CPQ: variants seen among roughly 807,000 people sequenced by gnomAD.
CPQ encodes the protein Ser-Met dipeptidase.
In CPQ, 37 loss-of-function variants were observed where a neutral mutation model predicts 45.7. The observed-to-expected ratio is 0.81, with a 90% confidence interval of 0.62 to 1.07. The LOEUF (loss-of-function observed/expected upper bound fraction) is 1.07. Among genes scored for constraint, CPQ ranks in the 50% least tolerant of loss-of-function variants. The probability of loss-of-function intolerance (pLI) is 0.00; values close to 1 mark genes in which losing one functional copy is unlikely to be tolerated. For synonymous variants in CPQ, 186 were observed against 205.8 expected (o/e 0.90, Z 0.82); for missense variants, 537 against 572.9 (o/e 0.94, Z 0.64).
At chr8:97,018,776 A>C (rs1240916886) in intron 5 of CPQ, among the ~76,000 whole-genome samples, 1 of 152,218 alleles carries the variant, frequency 6.6e-6, no homozygotes, top group African/African-American at 2.4e-5. Context: ...TTGCTGAGGA[A>C]GAAGAGAAAT....
intron 1 of CPQ, among the ~76,000 whole-genome samples, chr8:96,657,620 T>C (rs1316878224): frequency 6.6e-6 from 1 of 152,248 alleles, no homozygotes; most frequent in Non-Finnish European, 1.5e-5. Flanking sequence ...CATGCCTACA[T>C]GTTTACAGAA....
rs992649671 is a variant in CPQ, at chr8:96,884,681, C to T, written c.849+4676C>T. ...TGAAAGGCAATGTCTGGTGGAGATT[C>T]AAGGTCAACTGAGAACTGATCTTTC... On this transcript the variant is annotated intron_variant, in intron 4 of 7. Transcript: ENST00000220763. 6.2e-4 allele frequency among the ~76,000 whole-genome samples: 95 copies of T among 152,240 alleles called. 1 individual carries two copies. The highest frequency in any genetic ancestry group is 2.9e-4 in the Non-Finnish European group (20 of 68,006).
chr8:96,650,300 A>C (rs1244017824), intron 1 of CPQ, among the ~76,000 whole-genome samples: 1 of 152,220 alleles, frequency 6.6e-6, no homozygotes, highest in Non-Finnish European at 1.5e-5. Context: ...AATTTAAGGA[A>C]TTCTATGACA....
chr8:96,926,454 A>G (rs1036399505), intron 4 of CPQ, among the ~76,000 whole-genome samples: 1 of 152,128 alleles, frequency 6.6e-6, no homozygotes, highest in Non-Finnish European at 1.5e-5. Context: ...CCTCCTATGT[A>G]TTGGACACTG....
intron 7 of CPQ, among the ~76,000 whole-genome samples, chr8:97,127,275 C>T (rs1017453283): frequency 6.6e-6 from 1 of 152,128 alleles, no homozygotes; most frequent in Non-Finnish European, 1.5e-5. Flanking sequence ...ACTTGTAACT[C>T]TCACAACTCA....
At chr8:96,646,403 G>A (rs1382140227) in intron 1 of CPQ, among the ~76,000 whole-genome samples, 1 of 152,150 alleles carries the variant, frequency 6.6e-6, no homozygotes, top group Non-Finnish European at 1.5e-5. Context: ...GACTCTGAAG[G>A]CAGAACCATA....
chr8:96,875,174 G>T (rs999162683), intron 3 of CPQ, among the ~76,000 whole-genome samples: 1 of 151,456 alleles, frequency 6.6e-6, no homozygotes. Context: ...TTTCATAATT[G>T]GATTTTAAAA....
In CPQ at chr8:97,143,196, A is replaced by G. The variant is rs761776389; in HGVS notation, c.*13A>G. 2.5e-6 allele frequency: 4 copies of G among 1,612,400 alleles called. No homozygotes were observed. The highest frequency in any genetic ancestry group is 3.4e-6 in the Non-Finnish European group (4 of 1,179,340). On this transcript the variant is annotated 3_prime_UTR_variant, in exon 8 of 8. Coordinates refer to ENST00000220763, the MANE Select transcript of CPQ (RefSeq NM_016134.4). ...GCCTAGGTCCTAGAAACAGTAAGAA[A>G]GAAACGTTTTCATGCTTCTGGCCAG...
chr8:96,987,548 G>A (rs1186451316), intron 5 of CPQ, among the ~76,000 whole-genome samples: 2 of 152,224 alleles, frequency 1.3e-5, no homozygotes, highest in African/African-American at 4.8e-5. Flanking sequence ...ATGCACATCA[G>A]AAAATCAGAT....
At chr8:97,018,240 G>T (rs570638669) in intron 5 of CPQ, among the ~76,000 whole-genome samples, 1 of 152,174 alleles carries the variant, frequency 6.6e-6, no homozygotes, top group East Asian at 1.9e-4. Flanking sequence ...GAACACCAGC[G>T]TTGAGCCTTA....
chr8:96,712,565 C>G (rs1809620599), intron 1 of CPQ, among the ~76,000 whole-genome samples: 1 of 152,208 alleles, frequency 6.6e-6, no homozygotes, highest in East Asian at 1.9e-4. Context: ...CACATGTAAG[C>G]CACCAGGGCT....
chr8:97,014,702 A>G (rs1809550545), intron 5 of CPQ, among the ~76,000 whole-genome samples: 1 of 152,066 alleles, frequency 6.6e-6, no homozygotes, highest in Admixed American at 6.6e-5. Context: ...GAAAACCTAA[A>G]CTTAAATGTG....
At chr8:96,688,018 G>A (rs548662242) in intron 1 of CPQ, among the ~76,000 whole-genome samples, 37 of 151,772 alleles carry the variant, frequency 2.4e-4, no homozygotes, top group African/African-American at 8.7e-4. Flanking sequence ...TGCTTATTCT[G>A]TCATGTCCTG....
intron 1 of CPQ, among the ~76,000 whole-genome samples, chr8:96,713,246 A>C (rs111481465): frequency 0.024 from 3,655 of 152,316 alleles, 161 homozygotes; most frequent in African/African-American, 0.083. Flanking sequence ...AAACTTTTCC[A>C]CATTTTCCTG....
intron 1 of CPQ, among the ~76,000 whole-genome samples, chr8:96,653,229 A>G (rs897933015): frequency 2.0e-5 from 3 of 151,990 alleles, no homozygotes; most frequent in African/African-American, 7.3e-5. Flanking sequence ...TGCCTAGTAC[A>G]TTTGTCATTT....
At chr8:97,041,925 A>G (rs1810133265) in intron 6 of CPQ, among the ~76,000 whole-genome samples, 1 of 152,204 alleles carries the variant, frequency 6.6e-6, no homozygotes, top group African/African-American at 2.4e-5. Flanking sequence ...ATGTTCATCA[A>G]GGATATTAGT....
intron 6 of CPQ, among the ~76,000 whole-genome samples, chr8:97,044,953 G>T (rs553978151): frequency 6.6e-6 from 1 of 152,330 alleles, no homozygotes; most frequent in East Asian, 1.9e-4. Flanking sequence ...CCCACTTGAG[G>T]AGGCAGTCTG....
chr8:97,021,827 A>G (rs1163380078), intron 5 of CPQ, among the ~76,000 whole-genome samples: 1 of 152,174 alleles, frequency 6.6e-6, no homozygotes, highest in Non-Finnish European at 1.5e-5. Flanking sequence ...CTATCAAAAT[A>G]CCACCATCAT....
chr8:97,041,478 T>C (rs917433688), intron 6 of CPQ, among the ~76,000 whole-genome samples: 1 of 152,132 alleles, frequency 6.6e-6, no homozygotes, highest in Non-Finnish European at 1.5e-5. Flanking sequence ...CCCTTTATTT[T>C]CTTCCCCTGT....
Sources: allele counts gnomAD v4.1 joint callset (sites outside exome capture counted in the v4.1 genomes callset), GRCh38; gene constraint gnomAD v4.1.1; transcripts MANE v1.5; gene names NCBI Gene and HGNC (gene_info 2026-07-23, HGNC 2026-07-21).